PEX5L: variants seen among roughly 807,000 people sequenced by gnomAD.
PEX5L encodes the protein PEX5-related protein.
A neutral mutation model predicts 84.0 loss-of-function variants in PEX5L; 30 were observed. The ratio of observed to expected loss-of-function variants is 0.36; its 90% CI spans 0.27 to 0.48. The LOEUF (loss-of-function observed/expected upper bound fraction) is 0.48, where lower values mean the gene tolerates loss of function less well. Ranked by LOEUF, PEX5L falls within the 20% of genes least tolerant of loss-of-function variation. PEX5L has a pLI of 0.99. For synonymous variants in PEX5L, 270 were observed against 283.1 expected, an observed-to-expected ratio of 0.95 and a Z score of 0.46; for missense variants, 533 against 754.6, an observed-to-expected ratio of 0.71 and a Z score of 3.44.
intron 1 of PEX5L, among the ~76,000 whole-genome samples, chr3:180,020,917 A>G (rs183813432): frequency 8.5e-5 from 13 of 152,292 alleles, no homozygotes; most frequent in Admixed American, 3.9e-4. Context: ...ATTTAATCCA[A>G]CATGTATTGC....
At chr3:180,007,443 A>C (rs1789012859) in intron 1 of PEX5L, among the ~76,000 whole-genome samples, 1 of 152,144 alleles carries the variant, frequency 6.6e-6, no homozygotes, top group Non-Finnish European at 1.5e-5. Flanking sequence ...CTGTCAGTGG[A>C]TCTACCATTC....
intron 12 of PEX5L, 44 bp downstream of exon 12, chr3:179,809,427 T>A: frequency 7.0e-7 from 1 of 1,423,436 alleles, no homozygotes. Flanking sequence ...ATTCATTGTA[T>A]ATATGGGTGT....
At chr3:179,990,695 C>T (rs927374743) in intron 1 of PEX5L, among the ~76,000 whole-genome samples, 2 of 152,130 alleles carry the variant, frequency 1.3e-5, no homozygotes, top group Admixed American at 6.5e-5. Flanking sequence ...GAAACACTGC[C>T]CCCAGCCCAT....
At chr3:179,954,332 A>C (rs1453691356) in intron 2 of PEX5L, among the ~76,000 whole-genome samples, 4 of 152,150 alleles carry the variant, frequency 2.6e-5, no homozygotes, top group Admixed American at 2.0e-4. Flanking sequence ...TATGAGTAAA[A>C]TACAGACATA....
chr3:179,867,025 C>CAAAAAAAAAAAAAAAAAAA, intron 7 of PEX5L, among the ~76,000 whole-genome samples: 1 of 89,412 alleles, frequency 1.1e-5, no homozygotes, highest in Non-Finnish European at 2.2e-5. Flanking sequence ...GACTCTGTCT[C>CAAAAAAAAAAAAAAAAAAA]AAAAAAAAAA....
At chr3:179,942,184 C>G (rs1232130190) in intron 2 of PEX5L, among the ~76,000 whole-genome samples, 1 of 152,206 alleles carries the variant, frequency 6.6e-6, no homozygotes, top group African/African-American at 2.4e-5. Flanking sequence ...CTTCCAGAAA[C>G]TGGCCTCCGG....
chr3:179,853,649 T>A (rs1742800150), intron 8 of PEX5L, among the ~76,000 whole-genome samples: 1 of 152,190 alleles, frequency 6.6e-6, no homozygotes. Context: ...CTCCTCTCTC[T>A]TTTGTTCAGG....
intron 2 of PEX5L, among the ~76,000 whole-genome samples, chr3:179,954,152 T>C (rs1374819839): frequency 6.9e-6 from 1 of 144,434 alleles, no homozygotes; most frequent in Non-Finnish European, 1.5e-5. Flanking sequence ...CTGCCTTGGA[T>C]ACATTTACTA....
chr3:180,005,655 G>A (rs1268619629), intron 1 of PEX5L, among the ~76,000 whole-genome samples: 1 of 152,120 alleles, frequency 6.6e-6, no homozygotes, highest in Admixed American at 6.5e-5. Context: ...TGTGAACACG[G>A]GAGGTGGAGC....
rs1788182731 is a variant in PEX5L at position 179,999,365 on chromosome 3, T to C, written c.22-27700A>G. 2.0e-5 allele frequency among the ~76,000 whole-genome samples: 3 copies of C among 152,130 alleles called. No homozygotes were observed. The South Asian group carries it at 6.2e-4, about 32-fold the overall frequency. On this transcript the variant is annotated intron_variant, in intron 1 of 14. Coordinates refer to ENST00000467460, the MANE Select transcript of PEX5L (RefSeq NM_016559.3). ...CAGCCTCTTCCCCCAGCCACCCCTG[T>C]CATCGCCCAATGGTCCCATGAACAA...
At chr3:179,937,483 C>T (rs143771404) in intron 2 of PEX5L, among the ~76,000 whole-genome samples, 2 of 152,234 alleles carry the variant, frequency 1.3e-5, no homozygotes, top group African/African-American at 4.8e-5. Context: ...TGCAAGCACA[C>T]TTATCATCTT....
At chr3:180,005,240 G>A (rs1006315148) in intron 1 of PEX5L, among the ~76,000 whole-genome samples, 5 of 151,834 alleles carry the variant, frequency 3.3e-5, no homozygotes, top group African/African-American at 1.2e-4. Flanking sequence ...ATTGATGAGC[G>A]GGGATTTTAA....
At chr3:179,945,734 G>A (rs867292715) in intron 2 of PEX5L, among the ~76,000 whole-genome samples, 10 of 152,192 alleles carry the variant, frequency 6.6e-5, no homozygotes, top group Middle Eastern at 3.2e-3. Context: ...TCCTCTTGGC[G>A]TGGAGCTTTC....
chr3:179,974,762 C>G (rs768057077), intron 1 of PEX5L, among the ~76,000 whole-genome samples: 3 of 152,204 alleles, frequency 2.0e-5, no homozygotes, highest in Non-Finnish European at 4.4e-5. Context: ...AACTGGTAAT[C>G]TTGCCTCTCT....
At chr3:179,893,442 GTTTGT>G (rs1277984014) in intron 3 of PEX5L, among the ~76,000 whole-genome samples, 1 of 151,964 alleles carries the variant, frequency 6.6e-6, no homozygotes, top group East Asian at 1.9e-4. Context: ...TGTTTATATT[GTTTGT>G]TTTGTGACTT....
chr3:179,974,639 C>G (rs916310646), intron 1 of PEX5L, among the ~76,000 whole-genome samples: 6 of 152,320 alleles, frequency 3.9e-5, no homozygotes, highest in Non-Finnish European at 8.8e-5. Flanking sequence ...CCACACCATT[C>G]TGAATCCTTT....
intron 7 of PEX5L, among the ~76,000 whole-genome samples, chr3:179,873,274 A>C (rs1750986908): frequency 6.6e-6 from 1 of 152,134 alleles, no homozygotes; most frequent in African/African-American, 2.4e-5. Context: ...TCCTTATAGC[A>C]CTCAGTAATA....
chr3:179,856,791 A>G (rs1395871401), intron 8 of PEX5L, among the ~76,000 whole-genome samples: 1 of 152,210 alleles, frequency 6.6e-6, no homozygotes, highest in Non-Finnish European at 1.5e-5. Flanking sequence ...CTGGTTAAGC[A>G]ACTCTGCTTA....
chr3:179,831,634 G>T (rs911201483), intron 8 of PEX5L, among the ~76,000 whole-genome samples: 1 of 152,194 alleles, frequency 6.6e-6, no homozygotes, highest in Non-Finnish European at 1.5e-5. Context: ...GCTGGGGTAA[G>T]GGGGAGGAAA....
Sources: gnomAD v4.1 joint callset for allele counts (sites outside exome capture counted in the v4.1 genomes callset) on GRCh38, gnomAD v4.1.1 for gene constraint, MANE v1.5 for transcripts, NCBI Gene and HGNC (gene_info 2026-07-23, HGNC 2026-07-21) for gene names.